The following KCNQ5 variants were observed in gnomAD, a reference collection of about 807,000 sequenced individuals.
KCNQ5 encodes the protein potassium voltage-gated channel subfamily Q member 5.
KCNQ5 carries 30 observed loss-of-function variants against 98.2 expected under a neutral mutation model. The ratio of observed to expected loss-of-function variants is 0.31; its 90% CI spans 0.23 to 0.41. The LOEUF (loss-of-function observed/expected upper bound fraction) is 0.41. KCNQ5 is among the 10% of genes least tolerant of loss of function. KCNQ5 has a pLI of 1.00. For missense variants in KCNQ5, 835 were observed against 1,182.5 expected, an observed-to-expected ratio of 0.71 and a Z score of 4.31; for synonymous variants, 458 against 449.4, an observed-to-expected ratio of 1.02 and a Z score of -0.24.
chr6:73,150,149 C>A (rs545949196), intron 10 of KCNQ5, among the ~76,000 whole-genome samples: 1 of 152,094 alleles, frequency 6.6e-6, no homozygotes, highest in South Asian at 2.1e-4. Flanking sequence ...CCAGTTAAAA[C>A]TACAGGAGAT....
rs891486798 is a variant in KCNQ5, at chr6:73,160,144, G to A, written c.1469-9602G>A. On this transcript the variant is annotated intron_variant, in intron 10 of 13. Coordinates refer to ENST00000370398, the MANE Select transcript of KCNQ5 (RefSeq NM_019842.4). ...TTCTCCTGCCTCAGCCTCCCAAGTA[G>A]CTGGGACTACAGGCACCCACCACGA... Among the ~76,000 whole-genome samples, 7 of 151,642 alleles carry A rather than the reference G, an allele frequency of 4.6e-5. No individual in the cohort carries two copies. The South Asian group carries it at 1.5e-3, about 32-fold the overall frequency.
intron 2 of KCNQ5, among the ~76,000 whole-genome samples, chr6:73,013,815 T>A (rs1217062687): frequency 6.6e-6 from 1 of 152,160 alleles, no homozygotes; most frequent in Non-Finnish European, 1.5e-5. Context: ...GGCTTCTTTT[T>A]GTTCCATATA....
At position 72,725,043 on chromosome 6, in the gene KCNQ5, C is replaced by T. The variant is rs188645247; in HGVS notation, c.398+102456C>T. 6.8e-3 allele frequency among the ~76,000 whole-genome samples: 1,031 copies of T among 152,138 alleles called. 4 individuals carry two copies. Among genetic ancestry groups the T allele is most frequent in the South Asian group, 9.3e-3 (45 of 4,820 alleles). ...ACCACCTATCTTAAAGAATACACTA[C>T]GTTAAAAATTTATTTCTTATGTACT... On this transcript the variant is annotated intron_variant, in intron 1 of 13. Coordinates refer to ENST00000370398, the MANE Select transcript of KCNQ5 (RefSeq NM_019842.4).
intron 10 of KCNQ5, among the ~76,000 whole-genome samples, chr6:73,141,930 T>C (rs1776731079): frequency 6.6e-6 from 1 of 152,214 alleles, no homozygotes; most frequent in Admixed American, 6.5e-5. Context: ...CCAGAAGCAG[T>C]TTAGCTGAAT....
chr6:72,969,334 A>G, intron 1 of KCNQ5, among the ~76,000 whole-genome samples: 1 of 152,202 alleles, frequency 6.6e-6, no homozygotes, highest in South Asian at 2.1e-4. Context: ...ACACATATAT[A>G]CATAGCAAAA....
intron 1 of KCNQ5, among the ~76,000 whole-genome samples, chr6:72,983,343 C>T (rs901120786): frequency 2.6e-5 from 4 of 152,214 alleles, no homozygotes; most frequent in Non-Finnish European, 5.9e-5. Flanking sequence ...CACATAGTCT[C>T]ACATTTCTTG....
chr6:72,625,378 G>A (rs1011321881), intron 1 of KCNQ5, among the ~76,000 whole-genome samples: 4 of 152,232 alleles, frequency 2.6e-5, no homozygotes, highest in East Asian at 1.9e-4. Context: ...CTATTCTTTA[G>A]GATTTACCTG....
At chr6:73,079,637 G>A (rs910867129) in intron 5 of KCNQ5, among the ~76,000 whole-genome samples, 2 of 152,200 alleles carry the variant, frequency 1.3e-5, no homozygotes. Flanking sequence ...ATGTCTACAA[G>A]ATTATGCCAT....
rs867044267 is a variant in KCNQ5, at chr6:72,864,446, A to G, written c.399-139462A>G. On this transcript the variant is annotated intron_variant, in intron 1 of 13. Coordinates refer to ENST00000370398, the MANE Select transcript of KCNQ5 (RefSeq NM_019842.4). ...GAAGCAATGTTTGTTCACTGAGAAA[A>G]TCTGGGTCAGTACATGGCCTTAGTT... Among the ~76,000 whole-genome samples the G allele has an allele frequency of 2.0e-5, 3 of 152,284 alleles. No individual in the cohort carries two copies. In the South Asian group the frequency reaches 6.2e-4, roughly 32 times the overall value.
intron 2 of KCNQ5, among the ~76,000 whole-genome samples, chr6:73,025,197 A>G (rs1267546102): frequency 6.6e-6 from 1 of 152,226 alleles, no homozygotes; most frequent in East Asian, 1.9e-4. Context: ...CGAGCCAGAC[A>G]TTTGTCAAAA....
chr6:72,853,324 A>G (rs1777370233), intron 1 of KCNQ5, among the ~76,000 whole-genome samples: 1 of 152,120 alleles, frequency 6.6e-6, no homozygotes. Context: ...GATCCTAGAC[A>G]ATACTGAACA....
At chr6:72,719,771 A>T (rs1582166352) in intron 1 of KCNQ5, among the ~76,000 whole-genome samples, 1 of 151,958 alleles carries the variant, frequency 6.6e-6, no homozygotes, top group Non-Finnish European at 1.5e-5. Context: ...GTGCAGTGTC[A>T]CTCTCTCAGC....
intron 1 of KCNQ5, among the ~76,000 whole-genome samples, chr6:72,637,835 C>T (rs745717442): frequency 1.8e-4 from 28 of 152,210 alleles, no homozygotes; most frequent in Non-Finnish European, 4.0e-4. Context: ...TACTCTTATT[C>T]ATCTAGTCCT....
At chr6:72,820,945 G>A (rs1266587757) in intron 1 of KCNQ5, among the ~76,000 whole-genome samples, 3 of 152,218 alleles carry the variant, frequency 2.0e-5, no homozygotes, top group Admixed American at 1.3e-4. Context: ...TGTCACTGGA[G>A]TTTGGCTGGG....
intron 1 of KCNQ5, among the ~76,000 whole-genome samples, chr6:72,841,808 G>A (rs1404013553): frequency 6.6e-6 from 1 of 152,018 alleles, no homozygotes; most frequent in Non-Finnish European, 1.5e-5. Flanking sequence ...CTGTCGACTT[G>A]TACCAATATC....
chr6:73,045,239 G>A (rs926540021), intron 3 of KCNQ5, among the ~76,000 whole-genome samples: 5 of 152,032 alleles, frequency 3.3e-5, no homozygotes, highest in Non-Finnish European at 7.4e-5. Context: ...TTTGTGTTTG[G>A]AAAACATATT....
chr6:72,769,468 G>A (rs968492703), intron 1 of KCNQ5, among the ~76,000 whole-genome samples: 2 of 151,692 alleles, frequency 1.3e-5, no homozygotes, highest in African/African-American at 2.4e-5. Flanking sequence ...ATAAAATATC[G>A]ATGTCTAAGC....
At chr6:72,832,609 C>T (rs1010087266) in intron 1 of KCNQ5, among the ~76,000 whole-genome samples, 1 of 152,160 alleles carries the variant, frequency 6.6e-6, no homozygotes, top group African/African-American at 2.4e-5. Context: ...CAAACTGTCT[C>T]CTAAATTTGG....
chr6:72,821,138 G>A (rs75193128), intron 1 of KCNQ5, among the ~76,000 whole-genome samples: 1,623 of 152,308 alleles, frequency 0.011, 24 homozygotes, highest in African/African-American at 0.036. Flanking sequence ...AACCACAAGG[G>A]ACAGATGGTA....
Sources: allele counts gnomAD v4.1 joint callset (sites outside exome capture counted in the v4.1 genomes callset), GRCh38; gene constraint gnomAD v4.1.1; transcripts MANE v1.5; gene names NCBI Gene and HGNC (gene_info 2026-07-23, HGNC 2026-07-21).